ENTREP2: variants seen among roughly 807,000 people sequenced by gnomAD.
ENTREP2 encodes the protein endosomal transmembrane epsin interactor 2.
At chr15:29,222,299 T>C in the ENTREP2 span, among the ~76,000 whole-genome samples, 1 of 152,148 alleles carries the variant, frequency 6.6e-6, no homozygotes, top group Non-Finnish European at 1.5e-5. Flanking sequence ...TTACCCTATA[T>C]GGTCAAAAAG....
At chr15:29,312,788 T>C in the ENTREP2 span, among the ~76,000 whole-genome samples, 71 of 152,254 alleles carry the variant, frequency 4.7e-4, 1 homozygote, top group Middle Eastern at 3.4e-3. Context: ...AACTCTACAA[T>C]GGTCTCTAAA....
At chr15:29,123,647 A>G in the ENTREP2 span, 1 of 1,546,558 alleles carries the variant, frequency 6.5e-7, no homozygotes, top group East Asian at 2.5e-5. Flanking sequence ...GCAGAGCGAG[A>G]CATGGAAGCT....
At chr15:29,600,440 C>CATCATCATCATT in the ENTREP2 span, among the ~76,000 whole-genome samples, 1 of 51,444 alleles carries the variant, frequency 1.9e-5, no homozygotes, top group Non-Finnish European at 3.4e-5. Context: ...TCTCTCCCAC[C>CATCATCATCATT]ATCATCATCA....
chr15:29,235,972 A>AAAC, the ENTREP2 span, among the ~76,000 whole-genome samples: 34 of 125,762 alleles, frequency 2.7e-4, no homozygotes, highest in African/African-American at 9.3e-4. Context: ...CAAAAAAAAC[A>AAAC]AAACAAAACA....
At chr15:29,357,603 C>T in the ENTREP2 span, among the ~76,000 whole-genome samples, 3 of 151,828 alleles carry the variant, frequency 2.0e-5, no homozygotes, top group Non-Finnish European at 4.4e-5. Context: ...TTTGGGAGGC[C>T]GAGGCGGGCA....
the ENTREP2 span, among the ~76,000 whole-genome samples, chr15:29,306,664 A>ATTTTTTTTTTTT: frequency 7.6e-4 from 59 of 77,326 alleles, 7 homozygotes; most frequent in Non-Finnish European, 1.4e-3. Flanking sequence ...ATAATTGGTA[A>ATTTTTTTTTTTT]TTTTTTTTTT....
the ENTREP2 span, among the ~76,000 whole-genome samples, chr15:29,479,617 C>CCTCT: frequency 0.5 from 74,645 of 149,896 alleles, 19,534 homozygotes; most frequent in African/African-American, 0.68. Context: ...TCTCTCCCTC[C>CCTCT]CTCTCTTTCT....
chr15:29,349,887 G>A, the ENTREP2 span, among the ~76,000 whole-genome samples: 6 of 152,068 alleles, frequency 3.9e-5, no homozygotes, highest in African/African-American at 1.4e-4. Context: ...GTGACAGAGC[G>A]AGACTCTGTC....
chr15:29,123,678 C>T, the ENTREP2 span: 1 of 1,527,272 alleles, frequency 6.5e-7, no homozygotes, highest in Admixed American at 2.1e-5. Context: ...GGCAAAAGTG[C>T]AGTTCAAAAC....
At chr15:29,563,292 T>G in the ENTREP2 span, among the ~76,000 whole-genome samples, 29 of 152,222 alleles carry the variant, frequency 1.9e-4, no homozygotes, top group Non-Finnish European at 3.4e-4. Flanking sequence ...ATACATATAT[T>G]GAACCTCCTT....
chr15:29,440,913 A>G, the ENTREP2 span, among the ~76,000 whole-genome samples: 1 of 152,208 alleles, frequency 6.6e-6, no homozygotes, highest in Non-Finnish European at 1.5e-5. Flanking sequence ...AACGTTCCTC[A>G]GTTCCTCAAA....
the ENTREP2 span, among the ~76,000 whole-genome samples, chr15:29,346,387 T>C: frequency 2.0e-5 from 3 of 152,118 alleles, no homozygotes; most frequent in Non-Finnish European, 4.4e-5. Context: ...CCAGGAGTCC[T>C]GGCACAAAAA....
chr15:29,256,358 C>CA, the ENTREP2 span, among the ~76,000 whole-genome samples: 1 of 152,024 alleles, frequency 6.6e-6, no homozygotes, highest in Non-Finnish European at 1.5e-5. Flanking sequence ...TCATACATAA[C>CA]AAAAAAACCG....
chr15:29,591,766 G>A, the ENTREP2 span, among the ~76,000 whole-genome samples: 2 of 151,544 alleles, frequency 1.3e-5, no homozygotes, highest in African/African-American at 4.8e-5. Context: ...TGAAACCCAG[G>A]AATTCAAGCA....
the ENTREP2 span, among the ~76,000 whole-genome samples, chr15:29,397,626 AG>A: frequency 6.6e-6 from 1 of 152,236 alleles, no homozygotes; most frequent in South Asian, 2.1e-4. Flanking sequence ...TTCAAAACCC[AG>A]GATGACAAAG....
At chr15:29,205,378 G>T in the ENTREP2 span, among the ~76,000 whole-genome samples, 1 of 152,146 alleles carries the variant, frequency 6.6e-6, no homozygotes, top group South Asian at 2.1e-4. Flanking sequence ...TCTGTTTAAT[G>T]ATTTAAGAAA....
chr15:29,655,559 T>C, the ENTREP2 span, among the ~76,000 whole-genome samples: 1 of 152,138 alleles, frequency 6.6e-6, no homozygotes, highest in African/African-American at 2.4e-5. Context: ...GAGCCAGACT[T>C]AGATATCACT....
chr15:29,636,070 G>C, the ENTREP2 span, among the ~76,000 whole-genome samples: 1 of 152,166 alleles, frequency 6.6e-6, no homozygotes, highest in South Asian at 2.1e-4. Flanking sequence ...AGTCTTCAAG[G>C]ACAGAAAGAA....
the ENTREP2 span, among the ~76,000 whole-genome samples, chr15:29,253,684 G>T: frequency 3.4e-4 from 51 of 152,098 alleles, no homozygotes; most frequent in Admixed American, 3.3e-3. Flanking sequence ...CTCATGATCT[G>T]CCCTCCTTGG....
Sources: allele counts gnomAD v4.1 joint callset (sites outside exome capture counted in the v4.1 genomes callset), GRCh38; gene constraint gnomAD v4.1.1; transcripts MANE v1.5; gene names NCBI Gene and HGNC (gene_info 2026-07-23, HGNC 2026-07-21).